DOCK1: variants seen among roughly 807,000 people sequenced by gnomAD.
DOCK1 encodes dedicator of cytokinesis protein 1.
In DOCK1, 138 loss-of-function variants were observed where a neutral mutation model predicts 262.7. That is an observed-to-expected ratio of 0.53 (90% CI 0.46 to 0.61). DOCK1 has a LOEUF of 0.61. Among genes scored for constraint, DOCK1 ranks in the 20% least tolerant of loss-of-function variants. DOCK1 has a pLI of 0.00. For missense variants in DOCK1, 1,908 were observed against 2,370.7 expected (o/e 0.80, Z 4.05); for synonymous variants, 866 against 867.4 (o/e 1.00, Z 0.03).
At chr10:127,396,773 ATC>A (rs1168963123) in intron 38 of DOCK1, among the ~76,000 whole-genome samples, 6 of 146,174 alleles carry the variant, frequency 4.1e-5, no homozygotes, top group African/African-American at 1.5e-4. Flanking sequence ...AAAAAAAAAA[ATC>A]TTCATTTTTT....
At chr10:127,428,974 A>ATGTGGATTGGGATGCCG (rs2069066737) in intron 47 of DOCK1, among the ~76,000 whole-genome samples, 1 of 78,872 alleles carries the variant, frequency 1.3e-5, no homozygotes, top group Non-Finnish European at 2.4e-5. Flanking sequence ...TTCGGGTACC[A>ATGTGGATTGGGATGCCG]TGTGGATTGG....
chr10:127,350,571 G>A (rs1203531380), intron 31 of DOCK1, among the ~76,000 whole-genome samples: 2 of 152,186 alleles, frequency 1.3e-5, no homozygotes, highest in Non-Finnish European at 2.9e-5. Flanking sequence ...TCCCTATAAA[G>A]CCATGATCCT....
chr10:127,054,197 A>G (rs2044971018), intron 22 of DOCK1, among the ~76,000 whole-genome samples: 1 of 152,108 alleles, frequency 6.6e-6, no homozygotes, highest in Non-Finnish European at 1.5e-5. Flanking sequence ...TCAAAATCTA[A>G]CCATGTGTCT....
intron 48 of DOCK1, among the ~76,000 whole-genome samples, chr10:127,436,996 C>A (rs575029510): frequency 6.6e-6 from 1 of 152,148 alleles, no homozygotes; most frequent in Admixed American, 6.5e-5. Context: ...TGTCATGGTC[C>A]CCACCATCAG....
chr10:127,351,394 GC>G (rs1254412501), intron 31 of DOCK1, among the ~76,000 whole-genome samples: 29 of 152,184 alleles, frequency 1.9e-4, no homozygotes, highest in Admixed American at 1.1e-3. Flanking sequence ...AGCTTGCTCA[GC>G]TCATAGTCTT....
intron 21 of DOCK1, among the ~76,000 whole-genome samples, chr10:127,052,404 A>G (rs1021077277): frequency 6.6e-6 from 1 of 152,052 alleles, no homozygotes; most frequent in African/African-American, 2.4e-5. Flanking sequence ...TGTGCCTATA[A>G]TTCCAACTAC....
intron 38 of DOCK1, among the ~76,000 whole-genome samples, chr10:127,396,645 C>T (rs891550391): frequency 2.0e-5 from 3 of 151,322 alleles, no homozygotes; most frequent in African/African-American, 7.3e-5. Flanking sequence ...GTTAAAGCAC[C>T]GAGCAAGAGG....
chr10:127,017,474 C>T (rs1007508019), intron 12 of DOCK1, among the ~76,000 whole-genome samples: 37 of 149,374 alleles, frequency 2.5e-4, no homozygotes, highest in Non-Finnish European at 2.1e-4. Context: ...CACACGCATA[C>T]AGATACACAG....
At chr10:127,127,484 A>T (rs996250787) in intron 26 of DOCK1, among the ~76,000 whole-genome samples, 185 bp from the exon 27 acceptor site, 1 of 152,236 alleles carries the variant, frequency 6.6e-6, no homozygotes, top group Non-Finnish European at 1.5e-5. Flanking sequence ...TTAATGGACT[A>T]TAATTAATAA....
chr10:127,095,765 C>A (rs1379411987), intron 23 of DOCK1, among the ~76,000 whole-genome samples: 1 of 151,998 alleles, frequency 6.6e-6, no homozygotes, highest in Non-Finnish European at 1.5e-5. Flanking sequence ...TATCCCTCTC[C>A]CTGAGAAACC....
intron 29 of DOCK1, among the ~76,000 whole-genome samples, chr10:127,315,991 AC>A (rs1168869972): frequency 2.0e-5 from 3 of 151,552 alleles, no homozygotes; most frequent in African/African-American, 7.3e-5. Flanking sequence ...GAGCCACTGC[AC>A]CCCGCTGGGG....
In DOCK1 at chr10:127,175,039, T is replaced by A. The variant is rs2054952382; in HGVS notation, c.2847+47275T>A. Among the ~76,000 whole-genome samples, 1 of 152,050 alleles carries A rather than the reference T, an allele frequency of 6.6e-6. No homozygotes were observed. The highest frequency in any genetic ancestry group is 1.5e-5 in the Non-Finnish European group (1 of 67,992). ...GCGTATCGTGCAGGATGCAGTGACG[T>A]CTAGTATCATAAAATAATCTGCGAC... is the stretch of plus-strand genomic sequence containing the variant. On this transcript the variant is annotated intron_variant, in intron 27 of 51. Coordinates refer to ENST00000623213, the MANE Select transcript of DOCK1 (RefSeq NM_001290223.2). The surrounding 1 kb of genome is among the most constrained non-coding windows in gnomAD (Gnocchi z 6.3).
intron 29 of DOCK1, among the ~76,000 whole-genome samples, chr10:127,334,918 C>T (rs1042678075): frequency 6.6e-6 from 1 of 152,106 alleles, no homozygotes; most frequent in Admixed American, 6.5e-5. Context: ...TAAGAAGAAC[C>T]TGAAGAGAGC....
chr10:127,023,685 G>A (rs555157574), intron 14 of DOCK1, among the ~76,000 whole-genome samples: 7 of 151,544 alleles, frequency 4.6e-5, no homozygotes, highest in Non-Finnish European at 7.4e-5. Flanking sequence ...TAATCCGCCC[G>A]CCTTGGCCTA....
At chr10:127,053,367 A>G (rs1208738521) in intron 22 of DOCK1, among the ~76,000 whole-genome samples, 1 of 152,148 alleles carries the variant, frequency 6.6e-6, no homozygotes. Context: ...AAATAAAACA[A>G]CAATGAAAAG....
intron 18 of DOCK1, among the ~76,000 whole-genome samples, chr10:127,035,393 A>T (rs868638628): frequency 6.6e-6 from 1 of 152,162 alleles, no homozygotes; most frequent in Non-Finnish European, 1.5e-5. Flanking sequence ...GGAGTCATGA[A>T]TATGGGCTGT....
intron 32 of DOCK1, among the ~76,000 whole-genome samples, chr10:127,355,101 C>T (rs2133874836): frequency 6.9e-6 from 1 of 145,326 alleles, no homozygotes; most frequent in East Asian, 2.1e-4. Flanking sequence ...TTCAGTTTTA[C>T]AGACTCTGCC....
At chr10:127,320,440 G>A (rs749726224) in intron 29 of DOCK1, among the ~76,000 whole-genome samples, 2 of 152,170 alleles carry the variant, frequency 1.3e-5, no homozygotes, top group Non-Finnish European at 2.9e-5. Context: ...GCGCGGCCAC[G>A]TGGCTGGGAA....
chr10:127,330,465 C>T (rs1355567324), intron 29 of DOCK1, among the ~76,000 whole-genome samples: 1 of 151,182 alleles, frequency 6.6e-6, no homozygotes. Flanking sequence ...GAAATTGGAA[C>T]CCTTGTGTAC....
Sources: gnomAD v4.1 joint callset for allele counts (sites outside exome capture counted in the v4.1 genomes callset) on GRCh38, gnomAD v4.1.1 for gene constraint, Gnocchi (gnomAD v3.1) non-coding constraint, MANE v1.5 for transcripts, NCBI Gene and HGNC (gene_info 2026-07-23, HGNC 2026-07-21) for gene names.